The following ITIH5 variants were observed in gnomAD, a reference collection of about 807,000 sequenced individuals.
ITIH5 encodes inter-alpha-trypsin inhibitor heavy chain H5.
A neutral mutation model predicts 77.5 loss-of-function variants in ITIH5; 65 were observed. That is an observed-to-expected ratio of 0.84 (90% CI 0.69 to 1.03). ITIH5 has a LOEUF of 1.03. Among genes scored for constraint, ITIH5 ranks in the 50% least tolerant of loss-of-function variants. The probability of loss-of-function intolerance (pLI) is 0.00; values close to 1 mark genes in which losing one functional copy is unlikely to be tolerated. For synonymous variants in ITIH5, 525 were observed against 494.3 expected, an observed-to-expected ratio of 1.06 and a Z score of -0.82; for missense variants, 1,208 against 1,213.1, an observed-to-expected ratio of 1.00 and a Z score of 0.06.
chr10:7,633,660 A>G (rs539288894), intron 5 of ITIH5, among the ~76,000 whole-genome samples: 10 of 152,272 alleles, frequency 6.6e-5, no homozygotes, highest in South Asian at 4.1e-4. Context: ...TTCATAATTA[A>G]AATGGGGATT....
At chr10:7,651,248 G>A (rs554481546) in intron 2 of ITIH5, among the ~76,000 whole-genome samples, 1 of 152,088 alleles carries the variant, frequency 6.6e-6, no homozygotes, top group South Asian at 2.1e-4. Context: ...TATATAAACC[G>A]ACCAATCCAT....
At chr10:7,645,358 T>C (rs74692619) in intron 2 of ITIH5, among the ~76,000 whole-genome samples, 1 of 152,178 alleles carries the variant, frequency 6.6e-6, no homozygotes, top group Non-Finnish European at 1.5e-5. Flanking sequence ...TCTCAAAGTG[T>C]GGTCCTCGGA....
intron 7 of ITIH5, among the ~76,000 whole-genome samples, chr10:7,596,011 TAATA>T (rs1009962576): frequency 6.6e-6 from 1 of 152,108 alleles, no homozygotes; most frequent in African/African-American, 2.4e-5. Flanking sequence ...CCGTCTAAAT[TAATA>T]AATAAATAAA....
intron 8 of ITIH5, among the ~76,000 whole-genome samples, chr10:7,582,348 A>C (rs531711718): frequency 6.5e-4 from 99 of 152,310 alleles, no homozygotes; most frequent in Non-Finnish European, 6.5e-4. Flanking sequence ...CCCCAGCTAC[A>C]GTGAGGTTTC....
intron 6 of ITIH5, among the ~76,000 whole-genome samples, chr10:7,616,764 G>T (rs1389614789): frequency 1.3e-5 from 2 of 152,124 alleles, no homozygotes; most frequent in Non-Finnish European, 2.9e-5. Flanking sequence ...GGAGACGAAG[G>T]TTGCAGTGAG....
At position 7,561,005 on chromosome 10, in the gene ITIH5, G is replaced by C. The variant is rs1832030663; in HGVS notation, c.*2078C>G. 1 of 141,946 alleles carries C rather than the reference G, an allele frequency of 7.0e-6. No individual in the cohort carries two copies. Among genetic ancestry groups the C allele is most frequent in the Non-Finnish European group, 1.5e-5 (1 of 66,508 alleles). 8.8% of individuals were successfully genotyped at this position (141,946 alleles called of 1,614,324 possible). A position where few individuals can be genotyped will look rare whatever the true frequency, so the allele number is the denominator to read the frequency against. ...ATGCAAAGGTCCTAACTATAAGCTT[G>C]GTATGGGGTTTCGGGCTTTCAGGTA... On this transcript the variant is annotated 3_prime_UTR_variant, in exon 14 of 14. Coordinates refer to ENST00000397146, the MANE Select transcript of ITIH5 (RefSeq NM_030569.7).
intron 5 of ITIH5, among the ~76,000 whole-genome samples, chr10:7,630,335 A>G (rs1356089984): frequency 6.6e-6 from 1 of 152,236 alleles, no homozygotes; most frequent in Non-Finnish European, 1.5e-5. Context: ...CTTGACTTAC[A>G]TTGGTAAATT....
intron 13 of ITIH5, among the ~76,000 whole-genome samples, chr10:7,564,846 CATAT>C (rs1468829789): frequency 1.3e-5 from 2 of 149,676 alleles, no homozygotes; most frequent in African/African-American, 2.5e-5. Flanking sequence ...TACATACATA[CATAT>C]ATACATACAT....
At chr10:7,619,715 G>A (rs566671639) in intron 5 of ITIH5, 6 of 198,998 alleles carry the variant, frequency 3.0e-5, no homozygotes, top group Non-Finnish European at 4.6e-5. Context: ...ATGAGATCTC[G>A]TGAGAACTCA....
At chr10:7,659,975 G>A (rs2131114343) in intron 1 of ITIH5, among the ~76,000 whole-genome samples, 1 of 152,288 alleles carries the variant, frequency 6.6e-6, no homozygotes, top group East Asian at 1.9e-4. Flanking sequence ...CTGACTCCCA[G>A]CTTCAGGCAA....
rs199952014 is a variant in ITIH5, at chr10:7,616,026, C to T, written c.895G>A (p.Val299Met). Residue 299 changes from valine (V) to methionine (M), a missense_variant, in exon 7 of 14, where the codon GTG (valine) becomes ATG (methionine). Transcript: ENST00000397146. ...ACCATAGAAGCACTGCTGTCAAGCA[C>T]GAATACCACATTCTTGGGTAAAGGA... ...LPPLPKNVVFVLDSSASMVGT... is the reference protein window; with the variant it reads ...LPPLPKNVVFMLDSSASMVGT... The T allele has an allele frequency of 1.4e-5, 23 of 1,613,432 alleles. No individual in the cohort carries two copies. The highest frequency in any genetic ancestry group is 6.7e-5 in the East Asian group (3 of 44,898).
At chr10:7,578,820 T>C (rs1371288142) in intron 9 of ITIH5, 1 of 152,144 alleles carries the variant, frequency 6.6e-6, no homozygotes, top group Non-Finnish European at 1.5e-5. Context: ...GACTGATGCG[T>C]GGCAACATAA....
intron 5 of ITIH5, chr10:7,620,235 A>C (rs1789307442): frequency 6.6e-6 from 1 of 152,134 alleles, no homozygotes; most frequent in African/African-American, 2.4e-5. Context: ...AACTATAAAC[A>C]CAAGTCAAAC....
chr10:7,563,849 CA>C, intron 13 of ITIH5, among the ~76,000 whole-genome samples: 1 of 152,374 alleles, frequency 6.6e-6, no homozygotes, highest in East Asian at 1.9e-4. Flanking sequence ...GGTCAGATGG[CA>C]GCACTGCTCA....
intron 5 of ITIH5, among the ~76,000 whole-genome samples, chr10:7,631,023 T>C (rs7921768): frequency 0.18 from 26,755 of 147,740 alleles, 2,994 homozygotes; most frequent in Non-Finnish European, 0.25. Context: ...AGCTTGGAAA[T>C]GGGGTCAAGC....
In ITIH5 at chr10:7,592,421, C is replaced by T. The variant is rs113073340; in HGVS notation, c.940-6352G>A. Among the ~76,000 whole-genome samples, 12 of 151,404 alleles carry T rather than the reference C, an allele frequency of 7.9e-5. No individual in the cohort carries two copies. The South Asian group carries it at 1.7e-3, about 21-fold the overall frequency. Reference sequence around the variant, plus strand: ...CTGTATTATTAAACAAATAAGACAGCGACAGAGAAGAACAGAGATAGAGGA... The same window carrying T: ...CTGTATTATTAAACAAATAAGACAGTGACAGAGAAGAACAGAGATAGAGGA... On this transcript the variant is annotated intron_variant, in intron 7 of 13. Coordinates refer to ENST00000397146, the MANE Select transcript of ITIH5 (RefSeq NM_030569.7).
intron 8 of ITIH5, among the ~76,000 whole-genome samples, chr10:7,582,086 AG>A (rs1199622157): frequency 1.3e-5 from 2 of 151,926 alleles, no homozygotes; most frequent in African/African-American, 2.4e-5. Flanking sequence ...CATGTTGGCC[AG>A]GCTGGTCTTG....
intron 9 of ITIH5, chr10:7,578,152 G>A (rs1189631827): frequency 6.5e-6 from 1 of 154,794 alleles, no homozygotes; most frequent in Non-Finnish European, 1.5e-5. Flanking sequence ...TAAAACAGAA[G>A]GAGCTTGGGT....
At chr10:7,564,763 AGACT>A (rs888608196) in intron 13 of ITIH5, among the ~76,000 whole-genome samples, 22 of 151,806 alleles carry the variant, frequency 1.4e-4, no homozygotes, top group Middle Eastern at 3.2e-3. Flanking sequence ...ATACATACAC[AGACT>A]GTGTATGTGT....
Sources: gnomAD v4.1 joint callset for allele counts (sites outside exome capture counted in the v4.1 genomes callset) on GRCh38, gnomAD v4.1.1 for gene constraint, MANE v1.5 for transcripts, NCBI Gene and HGNC (gene_info 2026-07-23, HGNC 2026-07-21) for gene names.